Variants in RGS8 observed in about 807,000 individuals in gnomAD.
The protein encoded by RGS8 is regulator of G-protein signaling 8.
RGS8 carries 8 observed loss-of-function variants against 21.7 expected under a neutral mutation model. That is an observed-to-expected ratio of 0.37 (90% confidence interval 0.22 to 0.66). The LOEUF (loss-of-function observed/expected upper bound fraction) is 0.66, where lower values mean the gene tolerates loss of function less well. RGS8 is among the 30% of genes least tolerant of loss of function. RGS8 has a pLI of 0.59. For synonymous variants in RGS8, 80 were observed against 83.6 expected, an observed-to-expected ratio of 0.96 and a Z score of 0.24; for missense variants, 157 against 217.9, an observed-to-expected ratio of 0.72 and a Z score of 1.76.
At chr1:182,748,165 A>T in the RGS8 span, among the ~76,000 whole-genome samples, 1 of 152,202 alleles carries the variant, frequency 6.6e-6, no homozygotes, top group Non-Finnish European at 1.5e-5. Context: ...ACAATATTTC[A>T]CCAACTGTAG....
At chr1:182,656,257 T>C (rs1663272169) in intron 5 of RGS8, among the ~76,000 whole-genome samples, 1 of 152,156 alleles carries the variant, frequency 6.6e-6, no homozygotes, top group Non-Finnish European at 1.5e-5. Flanking sequence ...TGGTGACAGC[T>C]GGCAGGCCTC....
intron 5 of RGS8, chr1:182,658,307 A>ATGTT (rs1557888340): frequency 3.4e-4 from 52 of 152,230 alleles, no homozygotes; most frequent in Middle Eastern, 3.2e-3. Context: ...CTTAGGTAAC[A>ATGTT]GTTCAAGGCC....
At chr1:182,661,808 TCACACACACACACACA>T (rs71127312) in intron 5 of RGS8, among the ~76,000 whole-genome samples, 4 of 132,456 alleles carry the variant, frequency 3.0e-5, no homozygotes, top group South Asian at 5.1e-4. Context: ...GTACACACAT[TCACACACACACACACA>T]CACACACACA....
At chr1:182,747,289 A>T in the RGS8 span, among the ~76,000 whole-genome samples, 1 of 151,658 alleles carries the variant, frequency 6.6e-6, no homozygotes, top group Non-Finnish European at 1.5e-5. Flanking sequence ...GCAGCTGTGA[A>T]AACAAAAGCA....
the RGS8 span, among the ~76,000 whole-genome samples, chr1:182,743,510 G>A: frequency 1.2e-4 from 19 of 152,306 alleles, no homozygotes; most frequent in African/African-American, 4.3e-4. Flanking sequence ...TTAATGCTAA[G>A]ACTGAACTCA....
chr1:182,708,411 G>A, the RGS8 span, among the ~76,000 whole-genome samples: 3 of 152,216 alleles, frequency 2.0e-5, no homozygotes, highest in Admixed American at 1.3e-4. Context: ...ACTCACAGCC[G>A]CTGCAGGTCC....
At chr1:182,733,295 G>A in the RGS8 span, among the ~76,000 whole-genome samples, 3 of 152,192 alleles carry the variant, frequency 2.0e-5, no homozygotes, top group African/African-American at 7.2e-5. Flanking sequence ...GAAATGATAT[G>A]CCGTGCTCAA....
intron 6 of RGS8, among the ~76,000 whole-genome samples, chr1:182,647,701 T>A (rs1662769565): frequency 7.1e-6 from 1 of 139,934 alleles, no homozygotes; most frequent in Non-Finnish European, 1.5e-5. Flanking sequence ...GTAGGTACGC[T>A]TTTACATTGG....
intron 4 of RGS8, 96 bp from the exon 6 acceptor site, chr1:182,666,129 A>C (rs754970383): frequency 7.7e-6 from 8 of 1,034,674 alleles, no homozygotes; most frequent in Admixed American, 1.8e-5. Flanking sequence ...AATTGGAAAA[A>C]TGTGGGGAAG....
the RGS8 span, among the ~76,000 whole-genome samples, chr1:182,743,813 CATGCAT>C: frequency 6.6e-6 from 1 of 152,216 alleles, no homozygotes; most frequent in Admixed American, 6.5e-5. Context: ...CACACATACA[CATGCAT>C]ACAACACACA....
rs534759524 is a variant in RGS8, at chr1:182,671,602, A to G, written c.-104+55T>C. ...AAGTTAATTAAATATGGATAATGCA[A>G]TCGGTGCACACAGACACCCCGGAGA... On this transcript the variant is annotated intron_variant, in intron 2 of 6. Transcript: ENST00000483095. 54 of 1,472,244 alleles carry G rather than the reference A, an allele frequency of 3.7e-5. No individual in the cohort carries two copies. In the East Asian group the frequency reaches 8.4e-4, roughly 23 times the overall value. 91.2% of individuals were successfully genotyped at this position (1,472,244 alleles called of 1,614,324 possible).
chr1:182,697,776 C>T, the RGS8 span, among the ~76,000 whole-genome samples: 46 of 152,200 alleles, frequency 3.0e-4, no homozygotes, highest in Admixed American at 9.1e-4. Flanking sequence ...TATCCCTCAC[C>T]CCAGCCAATC....
the RGS8 span, among the ~76,000 whole-genome samples, chr1:182,741,770 C>A: frequency 9.1e-6 from 1 of 109,790 alleles, no homozygotes; most frequent in Non-Finnish European, 2.2e-5. Context: ...CCCCACCTCC[C>A]TCCCGGACGG....
At chr1:182,649,487 A>T (rs1373329423) in intron 5 of RGS8, among the ~76,000 whole-genome samples, 1 of 151,868 alleles carries the variant, frequency 6.6e-6, no homozygotes, top group African/African-American at 2.4e-5. Context: ...ATTTTAAAAG[A>T]TATTGCCTAT....
the RGS8 span, among the ~76,000 whole-genome samples, chr1:182,698,463 T>C: frequency 6.6e-6 from 1 of 152,248 alleles, no homozygotes; most frequent in Non-Finnish European, 1.5e-5. Context: ...ACACTTACAA[T>C]AATATCTGCC....
chr1:182,719,901 ATC>A, the RGS8 span, among the ~76,000 whole-genome samples: 1 of 152,120 alleles, frequency 6.6e-6, no homozygotes, highest in South Asian at 2.1e-4. Context: ...TTTTCCTCCA[ATC>A]TCTCTAATTT....
intron 5 of RGS8, among the ~76,000 whole-genome samples, chr1:182,661,042 T>C (rs1336155259): frequency 6.6e-6 from 1 of 151,734 alleles, no homozygotes; most frequent in Non-Finnish European, 1.5e-5. Flanking sequence ...TTTAGATGAA[T>C]AGTTTAAGAA....
the RGS8 span, among the ~76,000 whole-genome samples, chr1:182,744,927 C>T: frequency 1.3e-5 from 2 of 152,300 alleles, no homozygotes; most frequent in Non-Finnish European, 2.9e-5. Context: ...CTACCACCCC[C>T]GACCCTTGCC....
At chr1:182,697,769 C>T in the RGS8 span, among the ~76,000 whole-genome samples, 1 of 152,086 alleles carries the variant, frequency 6.6e-6, no homozygotes, top group Non-Finnish European at 1.5e-5. Context: ...CGGTGACTAT[C>T]CCTCACCCCA....
Sources: allele counts gnomAD v4.1 joint callset (sites outside exome capture counted in the v4.1 genomes callset), GRCh38; gene constraint gnomAD v4.1.1; transcripts MANE v1.5; gene names NCBI Gene and HGNC (gene_info 2026-07-23, HGNC 2026-07-21).